ROBO1: variants seen among roughly 807,000 people sequenced by gnomAD.
ROBO1 encodes the protein roundabout homolog 1.
In ROBO1, 149 loss-of-function variants were observed where a neutral mutation model predicts 195.9. The observed-to-expected ratio is 0.76, with a 90% confidence interval of 0.67 to 0.87. The LOEUF (loss-of-function observed/expected upper bound fraction) is 0.87. ROBO1 is among the 40% of genes least tolerant of loss of function. The pLI, the probability that ROBO1 is intolerant of heterozygous loss-of-function variation, is 0.00. For missense variants in ROBO1, 1,933 were observed against 2,068.3 expected (o/e 0.93, Z 1.27); for synonymous variants, 816 against 733.2 (o/e 1.11, Z -1.82).
At chr3:79,445,227 G>A (rs1035146589) in intron 2 of ROBO1, among the ~76,000 whole-genome samples, 25 of 150,966 alleles carry the variant, frequency 1.7e-4, no homozygotes, top group African/African-American at 5.1e-4. Flanking sequence ...ACATATTTGC[G>A]TACATCATAT....
intron 3 of ROBO1, among the ~76,000 whole-genome samples, chr3:79,112,364 T>C (rs1442981682): frequency 6.6e-6 from 1 of 152,108 alleles, no homozygotes; most frequent in Non-Finnish European, 1.5e-5. Context: ...TGTTCTTTGT[T>C]GGCTAGGGTG....
chr3:78,859,625 A>T (rs1005305217), intron 4 of ROBO1, among the ~76,000 whole-genome samples: 1 of 152,166 alleles, frequency 6.6e-6, no homozygotes, highest in Non-Finnish European at 1.5e-5. Context: ...TGGGTGTTTA[A>T]ATCTCCAAGA....
At chr3:79,526,004 A>G (rs1215090041) in intron 2 of ROBO1, among the ~76,000 whole-genome samples, 1 of 152,152 alleles carries the variant, frequency 6.6e-6, no homozygotes, top group African/African-American at 2.4e-5. Context: ...TTGCCTTCAG[A>G]TGTTTTGCAT....
intron 1 of ROBO1, among the ~76,000 whole-genome samples, chr3:79,590,442 T>C (rs891915144): frequency 6.6e-6 from 1 of 151,856 alleles, no homozygotes; most frequent in African/African-American, 2.4e-5. Flanking sequence ...GCCACTTTAA[T>C]TATGTGAATT....
At chr3:79,280,631 C>T (rs2031430650) in intron 2 of ROBO1, among the ~76,000 whole-genome samples, 1 of 152,102 alleles carries the variant, frequency 6.6e-6, no homozygotes. Flanking sequence ...CTTACACCAG[C>T]GGTCCCCAAC....
chr3:78,655,379 C>G (rs920615860), intron 18 of ROBO1, among the ~76,000 whole-genome samples: 1 of 152,064 alleles, frequency 6.6e-6, no homozygotes, highest in Non-Finnish European at 1.5e-5. Context: ...TGATGTGTAC[C>G]ATGTCTAGAC....
At chr3:79,725,388 G>A (rs1359513077) in intron 1 of ROBO1, among the ~76,000 whole-genome samples, 1 of 151,466 alleles carries the variant, frequency 6.6e-6, no homozygotes, top group African/African-American at 2.4e-5. Flanking sequence ...CACCACGCCC[G>A]GCTAATTTTT....
At chr3:78,992,292 A>C (rs545724405) in intron 3 of ROBO1, among the ~76,000 whole-genome samples, 173 of 152,190 alleles carry the variant, frequency 1.1e-3, no homozygotes, top group African/African-American at 4.0e-3. Flanking sequence ...CAACCTCCAC[A>C]TGTCATTTCC....
intron 2 of ROBO1, among the ~76,000 whole-genome samples, chr3:79,235,282 TTTTA>T (rs2082387650): frequency 6.6e-6 from 1 of 152,142 alleles, no homozygotes; most frequent in Non-Finnish European, 1.5e-5. Context: ...AGTTTTTATT[TTTTA>T]AAAAAGGAAA....
chr3:79,174,417 T>C (rs939451860), intron 2 of ROBO1, among the ~76,000 whole-genome samples: 3 of 151,670 alleles, frequency 2.0e-5, no homozygotes, highest in Non-Finnish European at 4.4e-5. Context: ...CATCCGAACA[T>C]TGGAAAGAAC....
At chr3:79,328,625 T>G (rs761347185) in intron 2 of ROBO1, among the ~76,000 whole-genome samples, 23 of 152,270 alleles carry the variant, frequency 1.5e-4, no homozygotes, top group Non-Finnish European at 3.1e-4. Context: ...CAGATTATAT[T>G]TTTTAAAAAA....
chr3:79,506,262 C>A (rs2107523458), intron 2 of ROBO1, among the ~76,000 whole-genome samples: 1 of 152,112 alleles, frequency 6.6e-6, no homozygotes, highest in Non-Finnish European at 1.5e-5. Context: ...GCAGCAATAT[C>A]AATTAGAAGA....
At chr3:79,764,272 AAT>A (rs1704866751) in intron 1 of ROBO1, among the ~76,000 whole-genome samples, 1 of 152,236 alleles carries the variant, frequency 6.6e-6, no homozygotes, top group African/African-American at 2.4e-5. Flanking sequence ...AATTGGCACT[AAT>A]ATATTTTAGG....
intron 2 of ROBO1, among the ~76,000 whole-genome samples, chr3:79,496,011 GA>G (rs1455363853): frequency 6.6e-6 from 1 of 151,902 alleles, no homozygotes; most frequent in African/African-American, 2.4e-5. Context: ...TTAGGAGTTG[GA>G]GACCAGCCTG....
intron 4 of ROBO1, among the ~76,000 whole-genome samples, chr3:78,925,112 CA>C (rs1455965677): frequency 5.9e-5 from 9 of 151,968 alleles, no homozygotes; most frequent in Non-Finnish European, 1.2e-4. Flanking sequence ...TTACACTATA[CA>C]TTTAGCTATA....
rs1039011817 is a variant in ROBO1, at chr3:78,598,302, C to G, written c.*611G>C. Reference sequence around the variant, plus strand: ...GAAATGAAGCCAAAATAAAATACCACCAGGGTTTGCAAAGAGTAAATATTT... The same window carrying G: ...GAAATGAAGCCAAAATAAAATACCAGCAGGGTTTGCAAAGAGTAAATATTT... On this transcript the variant is annotated 3_prime_UTR_variant, in exon 31 of 31. Coordinates refer to ENST00000464233, the MANE Select transcript of ROBO1 (RefSeq NM_002941.4). 6.6e-6 allele frequency: 1 copy of G among 152,234 alleles called. No homozygotes were observed. Among genetic ancestry groups the G allele is most frequent in the African/African-American group, 2.4e-5 (1 of 41,414 alleles). The allele number at this position is 152,234 out of a possible 1,614,324, so 9.4% of individuals were successfully genotyped here. A position where few individuals can be genotyped will look rare whatever the true frequency, so the allele number is the denominator to read the frequency against.
intron 1 of ROBO1, among the ~76,000 whole-genome samples, chr3:79,616,879 G>A (rs543217753): frequency 2.0e-4 from 31 of 152,256 alleles, no homozygotes; most frequent in Non-Finnish European, 1.8e-4. Context: ...TCCATATGTG[G>A]AGCAGCAGCA....
chr3:78,675,161 TAA>T (rs111725105), intron 10 of ROBO1, among the ~76,000 whole-genome samples: 6 of 141,578 alleles, frequency 4.2e-5, no homozygotes, highest in Non-Finnish European at 4.7e-5. Flanking sequence ...ATCCACTCAT[TAA>T]AAAAAAAAAA....
chr3:79,766,948 C>G (rs1375793799), intron 1 of ROBO1, among the ~76,000 whole-genome samples: 1 of 152,114 alleles, frequency 6.6e-6, no homozygotes, highest in African/African-American at 2.4e-5. Context: ...TTTCATTCAT[C>G]TGTCTTCTCT....
Sources: gnomAD v4.1 joint callset for allele counts (sites outside exome capture counted in the v4.1 genomes callset) on GRCh38, gnomAD v4.1.1 for gene constraint, MANE v1.5 for transcripts, NCBI Gene and HGNC (gene_info 2026-07-23, HGNC 2026-07-21) for gene names.